ZNF385D: variants seen among roughly 807,000 people sequenced by gnomAD.
The protein encoded by ZNF385D is zinc finger protein 385D.
ZNF385D carries 15 observed loss-of-function variants against 35.8 expected under a neutral mutation model. That is an observed-to-expected ratio of 0.42 (90% CI 0.28 to 0.64). ZNF385D has a LOEUF of 0.64. ZNF385D is among the 30% of genes least tolerant of loss of function. The pLI is 0.23. For synonymous variants in ZNF385D, 212 were observed against 186.8 expected, an observed-to-expected ratio of 1.13 and a Z score of -1.10; for missense variants, 474 against 494.6, an observed-to-expected ratio of 0.96 and a Z score of 0.39.
rs528124173 is a variant in ZNF385D, at chr3:22,370,838, T to C, written c.106+1612A>G. Among the ~76,000 whole-genome samples the C allele has an allele frequency of 2.6e-5, 4 of 152,306 alleles. No individual in the cohort carries two copies. The East Asian group carries it at 7.7e-4, about 29-fold the overall frequency. On this transcript the variant is annotated intron_variant, in intron 2 of 5. Transcript: ENST00000494108. ...CATTTTAGGTGTTATTATTATTAGG[T>C]AACCCCAAAGATCTCTCAGCCACAT...
chr3:22,266,465 G>C (rs75552899), intron 2 of ZNF385D, among the ~76,000 whole-genome samples: 6,745 of 151,902 alleles, frequency 0.044, 199 homozygotes, highest in African/African-American at 0.075. Flanking sequence ...TCAGCTGGCT[G>C]ACTGCTATCT....
intron 3 of ZNF385D, among the ~76,000 whole-genome samples, chr3:22,166,125 C>T (rs879478903): frequency 6.6e-6 from 1 of 152,102 alleles, no homozygotes; most frequent in Non-Finnish European, 1.5e-5. Context: ...CAGACCAAAC[C>T]AATATGACCT....
At chr3:21,949,920 T>G (rs557770651) in intron 3 of ZNF385D, among the ~76,000 whole-genome samples, 1 of 152,140 alleles carries the variant, frequency 6.6e-6, no homozygotes, top group Non-Finnish European at 1.5e-5. Flanking sequence ...TATTCCATGG[T>G]GTATATGTGC....
At chr3:21,469,996 A>C (rs374065084) in intron 4 of ZNF385D, among the ~76,000 whole-genome samples, 2 of 152,198 alleles carry the variant, frequency 1.3e-5, no homozygotes, top group Admixed American at 6.5e-5. Context: ...GTTGATTTGA[A>C]AGCCAGATAA....
chr3:22,204,432 T>G (rs897420807), intron 2 of ZNF385D, among the ~76,000 whole-genome samples: 2 of 152,010 alleles, frequency 1.3e-5, no homozygotes, highest in South Asian at 2.1e-4. Context: ...AAATTAGCAC[T>G]ACTTTTCAAT....
At chr3:21,580,757 AT>A (rs1303994190) in intron 2 of ZNF385D, among the ~76,000 whole-genome samples, 3 of 151,800 alleles carry the variant, frequency 2.0e-5, no homozygotes, top group Non-Finnish European at 4.4e-5. Flanking sequence ...AAAAATGCAA[AT>A]GTACATATAT....
chr3:21,708,807 C>T (rs7633972), intron 1 of ZNF385D, among the ~76,000 whole-genome samples: 108,279 of 151,870 alleles, frequency 0.71, 38,871 homozygotes, highest in Non-Finnish European at 0.76. Context: ...TTTTTCCTTT[C>T]TAAATCTGTT....
intron 3 of ZNF385D, among the ~76,000 whole-genome samples, chr3:22,084,765 G>T (rs888115744): frequency 6.6e-6 from 1 of 152,144 alleles, no homozygotes; most frequent in Non-Finnish European, 1.5e-5. Flanking sequence ...CAAATCAACA[G>T]AATATACATT....
chr3:21,972,869 G>A (rs1413092424), intron 3 of ZNF385D, among the ~76,000 whole-genome samples: 2 of 151,924 alleles, frequency 1.3e-5, no homozygotes, highest in Non-Finnish European at 1.5e-5. Flanking sequence ...ATTGAACCGT[G>A]AAGAAATCCA....
chr3:22,327,906 A>G (rs1298121222), intron 2 of ZNF385D, among the ~76,000 whole-genome samples: 1 of 152,200 alleles, frequency 6.6e-6, no homozygotes, highest in Non-Finnish European at 1.5e-5. Context: ...GTAACATAAC[A>G]AAACCTAATA....
In ZNF385D at chr3:21,651,432, A is replaced by G. The variant is rs2065910379; in HGVS notation, c.165+13454T>C. Among the ~76,000 whole-genome samples, 6 of 152,008 alleles carry G rather than the reference A, an allele frequency of 3.9e-5. No homozygotes were observed. In the South Asian group the frequency reaches 8.3e-4, roughly 21 times the overall value. On this transcript the variant is annotated intron_variant, in intron 2 of 7. Coordinates refer to ENST00000281523, the MANE Select transcript of ZNF385D (RefSeq NM_024697.3). Reference sequence around the variant, plus strand: ...ATGGAACATATTCATCAGATCTACCATATAGTATGTCTGTGATCACTAAAT... The same window carrying G: ...ATGGAACATATTCATCAGATCTACCGTATAGTATGTCTGTGATCACTAAAT...
intron 3 of ZNF385D, among the ~76,000 whole-genome samples, chr3:21,824,308 T>C (rs566463410): frequency 6.6e-6 from 1 of 152,338 alleles, no homozygotes; most frequent in African/African-American, 2.4e-5. Flanking sequence ...TATGTAGTAA[T>C]GGTGCTTTTT....
chr3:21,998,207 G>A (rs188568188), intron 3 of ZNF385D, among the ~76,000 whole-genome samples: 14 of 152,180 alleles, frequency 9.2e-5, no homozygotes, highest in Admixed American at 5.2e-4. Flanking sequence ...ATATAATTAT[G>A]GGTAGGTATA....
At chr3:22,354,593 C>A (rs577977404) in intron 2 of ZNF385D, among the ~76,000 whole-genome samples, 1 of 151,984 alleles carries the variant, frequency 6.6e-6, no homozygotes, top group African/African-American at 2.4e-5. Context: ...TACATTAAAA[C>A]CTTAAGGAAT....
At chr3:22,128,086 T>C (rs1241379599) in intron 3 of ZNF385D, among the ~76,000 whole-genome samples, 1 of 152,224 alleles carries the variant, frequency 6.6e-6, no homozygotes, top group Non-Finnish European at 1.5e-5. Context: ...ATAAAATCTC[T>C]CAGCTTTTGT....
At chr3:22,107,725 C>A (rs571620345) in intron 3 of ZNF385D, among the ~76,000 whole-genome samples, 1 of 151,860 alleles carries the variant, frequency 6.6e-6, no homozygotes, top group Admixed American at 6.6e-5. Flanking sequence ...TCTGTGCATG[C>A]GCTGTATGAT....
At chr3:21,445,937 A>T (rs1318357983) in intron 4 of ZNF385D, among the ~76,000 whole-genome samples, 1 of 152,156 alleles carries the variant, frequency 6.6e-6, no homozygotes, top group African/African-American at 2.4e-5. Flanking sequence ...TTGGCTCTCA[A>T]AACATCCCCC....
At chr3:21,945,735 G>A (rs1376227586) in intron 3 of ZNF385D, among the ~76,000 whole-genome samples, 2 of 152,294 alleles carry the variant, frequency 1.3e-5, no homozygotes, top group Non-Finnish European at 2.9e-5. Context: ...GAATTGCCAT[G>A]TTAACCTACA....
In ZNF385D at chr3:22,045,194, G is replaced by T. The variant is rs181441302; in HGVS notation, c.325+123623C>A. 3.3e-5 allele frequency among the ~76,000 whole-genome samples: 5 copies of T among 151,964 alleles called. No homozygotes were observed. The East Asian group carries it at 9.7e-4, about 29-fold the overall frequency. ...AAATAATTGCCCAAACCAATATCAT[G>T]GGGCTTTCCTCTAGTAGTTTTATAG... On this transcript the variant is annotated intron_variant, in intron 3 of 5. Coordinates refer to the ZNF385D transcript ENST00000494108.
Sources: gnomAD v4.1 joint callset for allele counts (sites outside exome capture counted in the v4.1 genomes callset) on GRCh38, gnomAD v4.1.1 for gene constraint, MANE v1.5 for transcripts, NCBI Gene and HGNC (gene_info 2026-07-23, HGNC 2026-07-21) for gene names.